Variants in NLK observed in about 807,000 individuals in gnomAD.
NLK encodes the protein serine/threonine-protein kinase NLK.
A neutral mutation model predicts 59.0 loss-of-function variants in NLK; 11 were observed. That is an observed-to-expected ratio of 0.19 (90% CI 0.12 to 0.31). NLK has a LOEUF of 0.31. Among genes scored for constraint, NLK ranks in the 10% least tolerant of loss-of-function variants. The pLI is 1.00. For synonymous variants in NLK, 235 were observed against 235.9 expected, an observed-to-expected ratio of 1.00 and a Z score of 0.03; for missense variants, 410 against 661.1, an observed-to-expected ratio of 0.62 and a Z score of 4.16.
intron 1 of NLK, among the ~76,000 whole-genome samples, chr17:28,045,424 A>G (rs932238891): frequency 2.6e-5 from 4 of 152,186 alleles, no homozygotes; most frequent in Non-Finnish European, 5.9e-5. Flanking sequence ...GAAATCCAAT[A>G]TCAAGGTACA....
chr17:28,159,372 A>G (rs1427913458), intron 3 of NLK, among the ~76,000 whole-genome samples: 2 of 152,214 alleles, frequency 1.3e-5, no homozygotes, highest in African/African-American at 2.4e-5. Context: ...TGGAAAGAGC[A>G]ATGGATAGAT....
intron 1 of NLK, among the ~76,000 whole-genome samples, chr17:28,055,084 GA>G (rs1909392408): frequency 6.6e-6 from 1 of 150,524 alleles, no homozygotes; most frequent in South Asian, 2.1e-4. Context: ...TTGTTGTGGG[GA>G]TTTTTTTTTC....
intron 1 of NLK, among the ~76,000 whole-genome samples, chr17:28,090,734 T>G (rs2142777149): frequency 6.6e-6 from 1 of 152,320 alleles, no homozygotes; most frequent in South Asian, 2.1e-4. Flanking sequence ...AAGTTATTTT[T>G]GCTGGGTATG....
chr17:28,071,795 T>G (rs1686373892), intron 1 of NLK, among the ~76,000 whole-genome samples: 1 of 152,208 alleles, frequency 6.6e-6, no homozygotes, highest in South Asian at 2.1e-4. Context: ...TTTTAATTAA[T>G]TAAGTCAAAT....
At chr17:28,072,509 G>T (rs1910040895) in intron 1 of NLK, among the ~76,000 whole-genome samples, 1 of 151,638 alleles carries the variant, frequency 6.6e-6, no homozygotes, top group African/African-American at 2.4e-5. Context: ...AAAACTTTTT[G>T]TAGAGACAGG....
rs111568889 is a variant in NLK, at chr17:28,111,550, C to G, written c.459-11053C>G. Reference sequence around the variant, plus strand: ...CCTGTTTCTTAACATGTTGTGGAATCTTTTTGCTAAAAACTGGACGTATTA... The same window carrying G: ...CCTGTTTCTTAACATGTTGTGGAATGTTTTTGCTAAAAACTGGACGTATTA... On this transcript the variant is annotated intron_variant, in intron 1 of 10. Transcript: ENST00000407008. Among the ~76,000 whole-genome samples the G allele has an allele frequency of 6.6e-3, 1,000 of 152,170 alleles. 17 individuals carry two copies. The highest frequency in any genetic ancestry group is 0.022 in the African/African-American group (931 of 41,522).
intron 7 of NLK, among the ~76,000 whole-genome samples, chr17:28,173,816 A>G (rs1908565936): frequency 6.6e-6 from 1 of 152,214 alleles, no homozygotes; most frequent in Non-Finnish European, 1.5e-5. Context: ...CCTCTTGGTA[A>G]ATGTGTCCTT....
chr17:28,136,763 C>A (rs1457589405), intron 3 of NLK, among the ~76,000 whole-genome samples: 4 of 151,900 alleles, frequency 2.6e-5, no homozygotes, highest in Non-Finnish European at 5.9e-5. Context: ...GCCACCATGC[C>A]CGGCTAATTT....
At chr17:28,079,006 T>C (rs1455743187) in intron 1 of NLK, among the ~76,000 whole-genome samples, 1 of 152,186 alleles carries the variant, frequency 6.6e-6, no homozygotes, top group Non-Finnish European at 1.5e-5. Context: ...CTTGCAAAAC[T>C]GAAACTACCC....
intron 1 of NLK, among the ~76,000 whole-genome samples, chr17:28,065,078 A>T (rs867449035): frequency 1.3e-5 from 2 of 152,160 alleles, no homozygotes; most frequent in Non-Finnish European, 1.5e-5. Flanking sequence ...CCCGGGAGAA[A>T]CTTATACTTG....
chr17:28,146,196 TCAAAAAG>T lies in NLK; in HGVS notation c.644+13522_644+13528del, dbSNP rs1452359892. Among the ~76,000 whole-genome samples, 341 of 152,262 alleles carry T rather than the reference TCAAAAAG, an allele frequency of 2.2e-3. 9 individuals are homozygous for T. In the South Asian group the frequency reaches 0.064, roughly 28 times the overall value. On this transcript the variant is annotated intron_variant, in intron 3 of 10. Transcript: ENST00000407008. ...CCTCCACTTACTAGCTTTTTGACCT[TCAAAAAG>T]TTACTTGATACTCTTCCCTAAGCCT...
At chr17:28,152,812 CAG>C (rs1337481688) in intron 3 of NLK, among the ~76,000 whole-genome samples, 2 of 151,882 alleles carry the variant, frequency 1.3e-5, no homozygotes, top group Non-Finnish European at 2.9e-5. Context: ...TTTGTAGAGA[CAG>C]GGTGTCATTA....
At chr17:28,129,179 G>T (rs533459105) in intron 2 of NLK, among the ~76,000 whole-genome samples, 2 of 152,340 alleles carry the variant, frequency 1.3e-5, no homozygotes, top group African/African-American at 2.4e-5. Context: ...AATGGGCTGG[G>T]TGCAGTGTCT....
intron 3 of NLK, among the ~76,000 whole-genome samples, chr17:28,148,455 A>C (rs950106429): frequency 2.6e-5 from 4 of 152,322 alleles, no homozygotes; most frequent in South Asian, 2.1e-4. Context: ...AATTTGACTA[A>C]AGAAGGGTAA....
At chr17:28,200,487 T>C (rs1567746056), downstream of NLK, among the ~76,000 whole-genome samples, 1 of 152,314 alleles carries the variant, frequency 6.6e-6, no homozygotes, top group Non-Finnish European at 1.5e-5. Flanking sequence ...TTTATTATTA[T>C]TAATTTTTTG....
At position 28,122,748 on chromosome 17, in the gene NLK, A is replaced by T. The variant is rs1906120472; in HGVS notation, c.588+16A>T. On this transcript the variant is annotated intron_variant, in intron 2 of 10. Coordinates refer to ENST00000407008, the MANE Select transcript of NLK (RefSeq NM_016231.5). ...GCATGATAATGTAAGTGAAATTGGT[A>T]TTTGGGGGAAACTATTTCCTAAGCC... The T allele has an allele frequency of 6.2e-7, 1 of 1,613,476 alleles. No individual in the cohort carries two copies. The highest frequency in any genetic ancestry group is 1.7e-5 in the Admixed American group (1 of 59,996).
intron 3 of NLK, among the ~76,000 whole-genome samples, chr17:28,160,642 A>G (rs1907969452): frequency 6.6e-6 from 1 of 152,160 alleles, no homozygotes; most frequent in African/African-American, 2.4e-5. Context: ...ATAATAAAGG[A>G]ACTAAATTAC....
rs765267309 is a variant in NLK at position 28,168,689 on chromosome 17, T to C, written c.1047+32T>C. The C allele has an allele frequency of 3.9e-6, 6 of 1,532,364 alleles. No individual in the cohort carries two copies. In the African/African-American group the frequency reaches 8.2e-5, roughly 21 times the overall value. The allele number at this position is 1,532,364 out of a possible 1,614,324, so 94.9% of individuals were successfully genotyped here. On this transcript the variant is annotated intron_variant, in intron 6 of 10. Transcript: ENST00000407008. ...TTTCAATTTAAGGCTTTAGTTGCAA[T>C]TCTATTGCAGATTTGAAGGAAAATC...
At chr17:28,129,398 A>G (rs957668347) in intron 2 of NLK, among the ~76,000 whole-genome samples, 2 of 152,216 alleles carry the variant, frequency 1.3e-5, no homozygotes, top group Non-Finnish European at 2.9e-5. Flanking sequence ...GGTTGCAGTG[A>G]GCCAAGGTCA....
Sources: gnomAD v4.1 joint callset for allele counts (sites outside exome capture counted in the v4.1 genomes callset) on GRCh38, gnomAD v4.1.1 for gene constraint, MANE v1.5 for transcripts, NCBI Gene and HGNC (gene_info 2026-07-23, HGNC 2026-07-21) for gene names.